The following LARGE1 variants were observed in gnomAD, a reference collection of about 807,000 sequenced individuals.
LARGE1 encodes the protein xylosyl- and glucuronyltransferase LARGE1.
Under a neutral mutation model 87.6 loss-of-function variants are expected in LARGE1, and 43 were observed. The observed-to-expected ratio is 0.49, with a 90% CI of 0.38 to 0.63. The LOEUF (loss-of-function observed/expected upper bound fraction) is 0.63. LARGE1 is among the 30% of genes least tolerant of loss of function. The probability of loss-of-function intolerance (pLI) is 0.00; values close to 1 mark genes in which losing one functional copy is unlikely to be tolerated. For synonymous variants in LARGE1, 434 were observed against 394.6 expected, an observed-to-expected ratio of 1.10 and a Z score of -1.18; for missense variants, 802 against 1,000.2, an observed-to-expected ratio of 0.80 and a Z score of 2.67.
At chr22:33,522,933 G>A (rs562494818) in intron 6 of LARGE1, among the ~76,000 whole-genome samples, 63 of 152,192 alleles carry the variant, frequency 4.1e-4, no homozygotes, top group African/African-American at 1.3e-3. Flanking sequence ...GCTTGAGCCC[G>A]GGAGGTAGAG....
At chr22:33,849,907 A>C (rs923504757) in intron 1 of LARGE1, among the ~76,000 whole-genome samples, 1 of 152,036 alleles carries the variant, frequency 6.6e-6, no homozygotes, top group African/African-American at 2.4e-5. Context: ...GGACTCCTTT[A>C]GTTCTTATTA....
intron 1 of LARGE1, among the ~76,000 whole-genome samples, chr22:33,834,127 C>T (rs1408822606): frequency 6.6e-6 from 1 of 152,142 alleles, no homozygotes; most frequent in Non-Finnish European, 1.5e-5. Flanking sequence ...ATAATACTTA[C>T]TCAACTAATA....
At chr22:33,169,678 C>T (rs1172203728) in intron 11 of LARGE1, among the ~76,000 whole-genome samples, 5 of 151,818 alleles carry the variant, frequency 3.3e-5, no homozygotes, top group African/African-American at 9.7e-5. Context: ...GGTGAAACCC[C>T]GCCTCTACGA....
chr22:33,427,529 G>A (rs1232325285), intron 7 of LARGE1, among the ~76,000 whole-genome samples: 1 of 152,184 alleles, frequency 6.6e-6, no homozygotes, highest in African/African-American at 2.4e-5. Flanking sequence ...TAGTTTATAA[G>A]ATAATTCAAG....
chr22:33,151,884 G>T, the LARGE1 span, among the ~76,000 whole-genome samples: 6 of 150,518 alleles, frequency 4.0e-5, no homozygotes, highest in Non-Finnish European at 8.8e-5. Flanking sequence ...TTGGTTTGTA[G>T]TTTTCTTCCT....
At chr22:33,429,788 G>A (rs1278864679) in intron 7 of LARGE1, among the ~76,000 whole-genome samples, 2 of 152,134 alleles carry the variant, frequency 1.3e-5, no homozygotes, top group East Asian at 3.9e-4. Flanking sequence ...TGAAAATCCA[G>A]GCACAAAAGA....
chr22:33,326,482 T>A (rs867296140), intron 10 of LARGE1, among the ~76,000 whole-genome samples: 1 of 152,216 alleles, frequency 6.6e-6, no homozygotes, highest in Non-Finnish European at 1.5e-5. Flanking sequence ...TCTAAGCTCC[T>A]GGCCCTGTCT....
chr22:33,216,706 A>C lies in LARGE1; in HGVS notation c.1731-49874T>G, dbSNP rs894607334. On this transcript the variant is annotated intron_variant, in intron 11 of 11. Transcript: ENST00000608642. ...AATGATCATTTCACCATGGAGGGCA[A>C]CAGAGTAAAGCCCCAGTGATACTCT... Among the ~76,000 whole-genome samples, 11 of 151,982 alleles carry C rather than the reference A, an allele frequency of 7.2e-5. No individual in the cohort carries two copies. In the East Asian group the frequency reaches 9.6e-4, roughly 13 times the overall value.
At chr22:33,694,967 T>C (rs2082200069) in intron 2 of LARGE1, among the ~76,000 whole-genome samples, 1 of 152,176 alleles carries the variant, frequency 6.6e-6, no homozygotes, top group Admixed American at 6.5e-5. Context: ...GAATACTATA[T>C]CCAGGCTGCA....
intron 6 of LARGE1, among the ~76,000 whole-genome samples, chr22:33,466,843 A>T (rs968880424): frequency 1.3e-5 from 2 of 152,154 alleles, no homozygotes; most frequent in Non-Finnish European, 2.9e-5. Flanking sequence ...GTTCAAGACC[A>T]GCCTGACAAA....
At chr22:33,315,500 C>A (rs551731470) in intron 11 of LARGE1, among the ~76,000 whole-genome samples, 1 of 152,168 alleles carries the variant, frequency 6.6e-6, no homozygotes, top group African/African-American at 2.4e-5. Context: ...TGAGGTAATT[C>A]GAGTCGGGCT....
At chr22:33,539,111 A>G (rs2077118486) in intron 6 of LARGE1, among the ~76,000 whole-genome samples, 1 of 152,222 alleles carries the variant, frequency 6.6e-6, no homozygotes, top group South Asian at 2.1e-4. Flanking sequence ...ATATGCCTGT[A>G]TAAACATACA....
chr22:33,381,407 G>A (rs191545557), intron 9 of LARGE1, among the ~76,000 whole-genome samples: 1 of 152,158 alleles, frequency 6.6e-6, no homozygotes, highest in East Asian at 1.9e-4. Flanking sequence ...GTCATTGTCC[G>A]CCCTCTGTGA....
intron 6 of LARGE1, among the ~76,000 whole-genome samples, chr22:33,449,265 G>T (rs2067816129): frequency 6.6e-6 from 1 of 152,190 alleles, no homozygotes; most frequent in Admixed American, 6.5e-5. Flanking sequence ...ATTTAAAGGA[G>T]ATGCTTATAG....
At chr22:33,208,537 T>A (rs1924798035) in intron 11 of LARGE1, among the ~76,000 whole-genome samples, 1 of 152,042 alleles carries the variant, frequency 6.6e-6, no homozygotes, top group African/African-American at 2.4e-5. Flanking sequence ...AAGAAGAGTC[T>A]CAAATGGACT....
At chr22:33,626,815 T>C (rs1389932633) in intron 3 of LARGE1, among the ~76,000 whole-genome samples, 1 of 152,166 alleles carries the variant, frequency 6.6e-6, no homozygotes, top group Non-Finnish European at 1.5e-5. Flanking sequence ...CCGCACCCCA[T>C]CTGGGATACA....
chr22:33,413,115 G>A (rs924895023), intron 7 of LARGE1, among the ~76,000 whole-genome samples: 1 of 151,998 alleles, frequency 6.6e-6, no homozygotes, highest in African/African-American at 2.4e-5. Flanking sequence ...AATATGAGTT[G>A]TCAAAATTCT....
At chr22:33,588,190 A>G (rs2078733748) in intron 5 of LARGE1, among the ~76,000 whole-genome samples, 1 of 152,240 alleles carries the variant, frequency 6.6e-6, no homozygotes, top group African/African-American at 2.4e-5. Context: ...CGAGGGGTCC[A>G]TCCACGTAGG....
At chr22:33,336,587 C>G (rs74478426) in intron 10 of LARGE1, among the ~76,000 whole-genome samples, 1 of 152,128 alleles carries the variant, frequency 6.6e-6, no homozygotes, top group East Asian at 1.9e-4. Context: ...CAGGTAGTAA[C>G]TGGAAGGAAT....
Sources: gnomAD v4.1 joint callset for allele counts (sites outside exome capture counted in the v4.1 genomes callset) on GRCh38, gnomAD v4.1.1 for gene constraint, MANE v1.5 for transcripts, NCBI Gene and HGNC (gene_info 2026-07-23, HGNC 2026-07-21) for gene names.